Variants in CSMD3 observed in about 807,000 individuals in gnomAD.
The protein encoded by CSMD3 is CUB and Sushi multiple domains 3.
Under a neutral mutation model 435.2 loss-of-function variants are expected in CSMD3, and 177 were observed. The observed-to-expected ratio is 0.41, with a 90% CI of 0.36 to 0.46. The LOEUF is 0.46. CSMD3 is among the 20% of genes least tolerant of loss of function. The pLI is 0.34. For synonymous variants in CSMD3, 1,656 were observed against 1,520.5 expected (o/e 1.09, Z -2.07); for missense variants, 4,265 against 4,504.6 (o/e 0.95, Z 1.52).
chr8:113,328,176 C>T (rs919362109), intron 1 of CSMD3, among the ~76,000 whole-genome samples: 2 of 152,176 alleles, frequency 1.3e-5, no homozygotes, highest in South Asian at 2.1e-4. Context: ...CGGTGGCTCA[C>T]GCCTGTAATC....
At chr8:113,370,699 T>A (rs926311617) in intron 1 of CSMD3, among the ~76,000 whole-genome samples, 1 of 152,038 alleles carries the variant, frequency 6.6e-6, no homozygotes, top group African/African-American at 2.4e-5. Flanking sequence ...CATTTCTCAG[T>A]TATTTTACTT....
intron 13 of CSMD3, among the ~76,000 whole-genome samples, chr8:112,699,018 G>A (rs939764491): frequency 6.6e-6 from 1 of 152,008 alleles, no homozygotes; most frequent in Non-Finnish European, 1.5e-5. Context: ...TCTATAAAAT[G>A]GACCCATCAG....
At chr8:112,282,239 T>A (rs1006247149) in intron 58 of CSMD3, among the ~76,000 whole-genome samples, 2 of 152,024 alleles carry the variant, frequency 1.3e-5, no homozygotes, top group Admixed American at 1.3e-4. Flanking sequence ...GCCGTGTGTG[T>A]GTGTGTGTGT....
At chr8:112,484,189 G>T (rs1246844194) in intron 31 of CSMD3, among the ~76,000 whole-genome samples, 3 of 152,072 alleles carry the variant, frequency 2.0e-5, no homozygotes, top group East Asian at 3.9e-4. Flanking sequence ...GAAGAAAAAT[G>T]TCTATATTTT....
intron 5 of CSMD3, among the ~76,000 whole-genome samples, chr8:113,062,733 G>A (rs190999090): frequency 1.4e-3 from 207 of 151,756 alleles, no homozygotes; most frequent in Middle Eastern, 6.8e-3. Flanking sequence ...TGTAACTGTT[G>A]AGGAAAAGCC....
intron 1 of CSMD3, among the ~76,000 whole-genome samples, chr8:113,408,356 T>G (rs991524491): frequency 4.6e-5 from 7 of 152,164 alleles, no homozygotes; most frequent in African/African-American, 1.7e-4. Context: ...ATGGTAAGAC[T>G]TTTTTCATGA....
intron 31 of CSMD3, among the ~76,000 whole-genome samples, chr8:112,481,704 G>A (rs1163099539): frequency 1.3e-5 from 2 of 152,040 alleles, no homozygotes; most frequent in East Asian, 1.9e-4. Flanking sequence ...TATCTCTCAT[G>A]GAGCATTTTT....
At chr8:112,579,223 C>T (rs1443624914) in intron 23 of CSMD3, among the ~76,000 whole-genome samples, 1 of 151,974 alleles carries the variant, frequency 6.6e-6, no homozygotes. Context: ...AAAAATATTT[C>T]TTCAATATAT....
chr8:113,174,356 C>A (rs1324316317), intron 3 of CSMD3, among the ~76,000 whole-genome samples: 1 of 151,922 alleles, frequency 6.6e-6, no homozygotes, highest in African/African-American at 2.4e-5. Context: ...TCATGGAAAC[C>A]TTTATTTCAT....
At chr8:112,718,495 C>A (rs2076783325) in intron 13 of CSMD3, among the ~76,000 whole-genome samples, 1 of 147,750 alleles carries the variant, frequency 6.8e-6, no homozygotes. Context: ...GTTCTAATGC[C>A]TATGTGTGTG....
intron 13 of CSMD3, among the ~76,000 whole-genome samples, chr8:112,750,503 A>C (rs2077543574): frequency 6.6e-6 from 1 of 152,082 alleles, no homozygotes; most frequent in South Asian, 2.1e-4. Flanking sequence ...AATAATGCAG[A>C]AAAGAAGGGA....
intron 32 of CSMD3, among the ~76,000 whole-genome samples, chr8:112,469,469 G>T (rs1219946170): frequency 2.0e-5 from 3 of 151,894 alleles, no homozygotes; most frequent in Non-Finnish European, 2.9e-5. Context: ...TGACAGACGT[G>T]CTAAATCAGT....
At chr8:113,249,983 T>A (rs1245899925) in intron 3 of CSMD3, among the ~76,000 whole-genome samples, 3 of 152,030 alleles carry the variant, frequency 2.0e-5, no homozygotes, top group Non-Finnish European at 4.4e-5. Context: ...ATAAGGGAAG[T>A]TAGTTGATAA....
At chr8:112,970,515 T>G (rs2130907324) in intron 7 of CSMD3, among the ~76,000 whole-genome samples, 1 of 151,734 alleles carries the variant, frequency 6.6e-6, no homozygotes, top group East Asian at 1.9e-4. Flanking sequence ...ATTTTAAACA[T>G]CTGGATATTT....
intron 7 of CSMD3, among the ~76,000 whole-genome samples, chr8:112,956,404 A>T (rs2084021041): frequency 6.6e-6 from 1 of 152,094 alleles, no homozygotes; most frequent in Non-Finnish European, 1.5e-5. Flanking sequence ...CTGCTGTCTC[A>T]AAATACTTTT....
At chr8:112,676,687 T>C (rs943964383) in intron 16 of CSMD3, among the ~76,000 whole-genome samples, 15 of 152,120 alleles carry the variant, frequency 9.9e-5, no homozygotes, top group African/African-American at 3.4e-4. Flanking sequence ...GAATAATAAA[T>C]CTTTATATTC....
chr8:112,692,880 CTCTT>C (rs771072153), intron 13 of CSMD3, among the ~76,000 whole-genome samples: 9 of 151,958 alleles, frequency 5.9e-5, no homozygotes, highest in Non-Finnish European at 7.4e-5. Flanking sequence ...TGTTATCAAT[CTCTT>C]TCTGTGTCTA....
At chr8:112,886,310 T>A (rs931555708) in intron 10 of CSMD3, among the ~76,000 whole-genome samples, 16 of 151,674 alleles carry the variant, frequency 1.1e-4, no homozygotes, top group Admixed American at 3.3e-4. Flanking sequence ...TGTTAAGTCA[T>A]TTTTCTTTTT....
chr8:113,426,338 TA>T (rs1340877011), intron 1 of CSMD3, among the ~76,000 whole-genome samples: 1 of 151,452 alleles, frequency 6.6e-6, no homozygotes, highest in African/African-American at 2.4e-5. Context: ...TTAAAGCTTA[TA>T]TTTTTAAAAT....
Sources: gnomAD v4.1 joint callset for allele counts (sites outside exome capture counted in the v4.1 genomes callset) on GRCh38, gnomAD v4.1.1 for gene constraint, MANE v1.5 for transcripts, NCBI Gene and HGNC (gene_info 2026-07-23, HGNC 2026-07-21) for gene names.